The following DOT1L variants were observed in gnomAD, a reference collection of about 807,000 sequenced individuals.
DOT1L encodes histone-lysine N-methyltransferase, H3 lysine-79 specific.
A neutral mutation model predicts 153.3 loss-of-function variants in DOT1L; 33 were observed. The observed-to-expected ratio is 0.22, with a 90% CI of 0.16 to 0.29. The LOEUF is 0.29. DOT1L is among the 10% of genes least tolerant of loss of function. DOT1L has a pLI of 1.00. For missense variants in DOT1L, 1,847 were observed against 2,119.9 expected (o/e 0.87, Z 2.53); for synonymous variants, 1,135 against 965.1 (o/e 1.18, Z -3.26).
chr19:2,216,071 A>C (rs553767063), intron 19 of DOT1L: 2 of 583,856 alleles, frequency 3.4e-6, no homozygotes, highest in Non-Finnish European at 5.8e-6. Flanking sequence ...CTTCCATGTC[A>C]GCAAAAACCA....
intron 9 of DOT1L, 63 bp from the exon 10 acceptor site, chr19:2,206,666 G>C: frequency 6.5e-7 from 1 of 1,529,572 alleles, no homozygotes; most frequent in Non-Finnish European, 9.1e-7. Context: ...CTGTCACCTT[G>C]AGTGGTGTCT....
rs911883465 is a variant in DOT1L, at chr19:2,230,280, C to T, written c.*488C>T. The T allele has an allele frequency of 2.1e-5, 9 of 422,810 alleles. No individual in the cohort carries two copies. Among genetic ancestry groups the T allele is most frequent in the South Asian group, 8.2e-5 (1 of 12,128 alleles). 26.2% of individuals were successfully genotyped at this position (422,810 alleles called of 1,614,324 possible). ...GCCGGCTCCCCCGACGCGCTGCTCC[C>T]GTACCAAAGGCAGGCCCGTCGCCAC... is the stretch of plus-strand genomic sequence containing the variant. On this transcript the variant is annotated 3_prime_UTR_variant, in exon 28 of 28. Transcript: ENST00000398665.
chr19:2,177,717 T>A (rs949843893), intron 1 of DOT1L, among the ~76,000 whole-genome samples: 7 of 152,026 alleles, frequency 4.6e-5, no homozygotes, highest in African/African-American at 1.7e-4. Flanking sequence ...TCGCCAGCCC[T>A]GCTCTCCGCT....
chr19:2,185,998 G>T (rs759700278), intron 3 of DOT1L, 69 bp downstream of exon 3: 4 of 1,453,056 alleles, frequency 2.8e-6, no homozygotes, highest in East Asian at 2.3e-5. Flanking sequence ...ACAGGAGGAC[G>T]CATCCTATAA....
rs2144937239 is a variant in DOT1L, at chr19:2,226,893, G to A, written c.4372G>A (p.Ala1458Thr). Residue 1458 changes from alanine (A) to threonine (T), a missense_variant, in exon 27 of 28, where the codon GCC becomes ACC. Ala to Thr is a moderately conservative substitution (Grantham distance 58). Transcript: ENST00000398665. ...ASSAGGAASSAQTHRSFLGPF... is the reference protein window; with the variant it reads ...ASSAGGAASSTQTHRSFLGPF... ...CTCCGCAGGCGGCGCGGCGTCCTCC[G>A]CCCAGACGCACCGGTCCTTCCTGGG... The A allele has an allele frequency of 1.9e-6, 3 of 1,577,436 alleles. No individual in the cohort carries two copies. Among genetic ancestry groups the A allele is most frequent in the South Asian group, 1.1e-5 (1 of 88,496 alleles).
Position 2,223,418 on chromosome 19 carries a change from T to C in DOT1L, c.3528T>C (p.Asn1176=). 6.2e-7 allele frequency: 1 copy of C among 1,613,344 alleles called. No individual in the cohort carries two copies. Residue 1176 remains asparagine (N), a synonymous_variant, in exon 25 of 28, where the codon AAT becomes AAC. Transcript: ENST00000398665. ...AGGAGCGGCCTCTGAGCCAGACCAATGGGGCACACTACTCCCCACTCACCT... is the reference window on the plus strand; with the variant it reads ...AGGAGCGGCCTCTGAGCCAGACCAACGGGGCACACTACTCCCCACTCACCT... ...LKKERPLSQT[N]GAHYSPLTSD...
intron 9 of DOT1L, among the ~76,000 whole-genome samples, chr19:2,203,953 C>T (rs2023392935): frequency 6.6e-6 from 1 of 152,260 alleles, no homozygotes; most frequent in Non-Finnish European, 1.5e-5. Context: ...TGCTCCCCAC[C>T]TGTCCTCTCT....
chr19:2,170,820 C>T (rs1258506335), intron 1 of DOT1L, among the ~76,000 whole-genome samples: 1 of 152,018 alleles, frequency 6.6e-6, no homozygotes, highest in Non-Finnish European at 1.5e-5. Context: ...AGAAATGGAT[C>T]CTCAGGGCAA....
chr19:2,232,340 C>G lies in DOT1L; in HGVS notation c.*2548C>G, dbSNP rs1442232962. The G allele has an allele frequency of 5.1e-6, 1 of 196,146 alleles. No homozygotes were observed. The highest frequency in any genetic ancestry group is 6.1e-5 in the Admixed American group (1 of 16,296). The allele number at this position is 196,146 out of a possible 1,614,324, so 12.2% of individuals were successfully genotyped here. A position where few individuals can be genotyped will look rare whatever the true frequency, so the allele number is the denominator to read the frequency against. ...TGTTCAGTGGTCAGCAGGCCCCCCA[C>G]CCCCCGCCGACTGCCCTCGCCATCG... On this transcript the variant is annotated 3_prime_UTR_variant, in exon 28 of 28. Coordinates refer to ENST00000398665, the MANE Select transcript of DOT1L (RefSeq NM_032482.3).
intron 1 of DOT1L, among the ~76,000 whole-genome samples, chr19:2,166,332 G>A (rs1045328619): frequency 6.6e-6 from 1 of 151,806 alleles, no homozygotes; most frequent in African/African-American, 2.4e-5. Flanking sequence ...CTGACCTCTG[G>A]TGATCCGCCT....
Position 2,225,404 on chromosome 19 carries a change from G to C in DOT1L, c.3613G>C (p.Ala1205Pro). The C allele has an allele frequency of 1.2e-6, 2 of 1,614,088 alleles. No homozygotes were observed. Among genetic ancestry groups the C allele is most frequent in the East Asian group, 2.2e-5 (1 of 44,886 alleles). Reference protein sequence around the residue: ...PSSARIERKIATISLESKSPP... With the variant: ...PSSARIERKIPTISLESKSPP... ...TCTTAACAGAATTGAGAGAAAAATT[G>C]CAACAATCTCCTTAGAAAGCAAATC... Residue 1205 changes from alanine to proline, a missense_variant, in exon 26 of 28, where the codon GCA becomes CCA. Physicochemically the swap from Ala to Pro is conservative, Grantham distance 27. Coordinates refer to ENST00000398665, the MANE Select transcript of DOT1L (RefSeq NM_032482.3).
At chr19:2,200,058 G>A (rs2023185621) in intron 8 of DOT1L, 119 bp downstream of exon 8, 8 of 1,325,324 alleles carry the variant, frequency 6.0e-6, no homozygotes, top group Non-Finnish European at 8.3e-6. Flanking sequence ...GCAGGAAAGA[G>A]GCCGGTGGGG....
At position 2,210,842 on chromosome 19, in the gene DOT1L, C is replaced by A. The variant is rs1432083094; in HGVS notation, c.1338C>A (p.Ala446=). The A allele has an allele frequency of 6.2e-7, 1 of 1,612,410 alleles. No individual in the cohort carries two copies. Among genetic ancestry groups the A allele is most frequent in the East Asian group, 2.2e-5 (1 of 44,814 alleles). The change falls in exon 14 of 28, where the codon GCC becomes GCA. Residue 446 remains alanine, a synonymous_variant. Transcript: ENST00000398665. ...LHAQTVSQTA[A]SSPQDAYRSP... is the part of the protein sequence containing the mutation. ...CTCAGACCGTGTCTCAGACGGCGGC[C>A]TCCTCACCCCAGGGTGAGCCGCCCC...
At chr19:2,166,995 G>A (rs12611107) in intron 1 of DOT1L, among the ~76,000 whole-genome samples, 2 of 152,064 alleles carry the variant, frequency 1.3e-5, no homozygotes, top group African/African-American at 2.4e-5. Flanking sequence ...GCTTTCAGGC[G>A]GCCAAATCCG....
rs1407182421 is a variant in DOT1L, at chr19:2,220,146, C to G, written c.2730C>G (p.Pro910=). The part of the protein sequence containing the change: ...TPSPVLQPRD[P]SSTLEKQIGA... The stretch of plus-strand genomic sequence containing the variant: ...GTCCCGTGCTGCAGCCCCGTGACCC[C>G]TCGTCCACACTTGAAAAGCAGATTG... Residue 910 remains proline (P), a synonymous_variant, in exon 23 of 28, where the codon CCC becomes CCG. Transcript: ENST00000398665. The surrounding 1 kb of genome is among the most constrained non-coding windows in gnomAD (Gnocchi z 4.5). 2 of 1,613,438 alleles carry G rather than the reference C, an allele frequency of 1.2e-6. No homozygotes were observed. The highest frequency in any genetic ancestry group is 1.1e-5 in the South Asian group (1 of 91,086).
At position 2,230,573 on chromosome 19, in the gene DOT1L, T is replaced by G. The variant is rs1308990482; in HGVS notation, c.*781T>G. 1 of 398,710 alleles carries G rather than the reference T, an allele frequency of 2.5e-6. No individual in the cohort carries two copies. The highest frequency in any genetic ancestry group is 4.4e-6 in the Non-Finnish European group (1 of 226,092). 24.7% of individuals were successfully genotyped at this position (398,710 alleles called of 1,614,324 possible). A position where few individuals can be genotyped will look rare whatever the true frequency, so the allele number is the denominator to read the frequency against. The stretch of plus-strand genomic sequence containing the variant: ...GCTGTCCATGGCTCGCAGCATGCCC[T>G]GCGATGCGGGGCAGGCCTGTCGTGG... On this transcript the variant is annotated 3_prime_UTR_variant, in exon 28 of 28. Transcript: ENST00000398665.
At chr19:2,195,331 A>C (rs1568344096) in intron 7 of DOT1L, among the ~76,000 whole-genome samples, 1 of 152,106 alleles carries the variant, frequency 6.6e-6, no homozygotes, top group African/African-American at 2.4e-5. Context: ...AGAGGCCTGC[A>C]GAGCTGGGTC....
At position 2,200,080 on chromosome 19, in the gene DOT1L, G is replaced by A. The variant is rs1460107928; in HGVS notation, c.707+141G>A. On this transcript the variant is annotated intron_variant, in intron 8 of 27. Coordinates refer to ENST00000398665, the MANE Select transcript of DOT1L (RefSeq NM_032482.3). ...AGAGGCCGGTGGGGACAGGAAGGGC[G>A]CCTTTCCCTCACGCTGGGTCTCCCT... The A allele has an allele frequency of 1.2e-5, 13 of 1,125,064 alleles. 1 individual carries two copies. Among genetic ancestry groups the A allele is most frequent in the South Asian group, 6.3e-5 (4 of 63,978 alleles). 69.7% of individuals were successfully genotyped at this position (1,125,064 alleles called of 1,614,324 possible). A position where few individuals can be genotyped will look rare whatever the true frequency, so the allele number is the denominator to read the frequency against.
In DOT1L at chr19:2,191,272, G is replaced by A. The variant is rs1440473383; in HGVS notation, c.493+32G>A. 4 of 1,603,376 alleles carry A rather than the reference G, an allele frequency of 2.5e-6. No homozygotes were observed. The highest frequency in any genetic ancestry group is 3.4e-6 in the Non-Finnish European group (4 of 1,171,626). On this transcript the variant is annotated intron_variant, in intron 5 of 27. Coordinates refer to ENST00000398665, the MANE Select transcript of DOT1L (RefSeq NM_032482.3). This position sits in a 1 kb window ranked among gnomAD's most constrained non-coding sequence, Gnocchi z 6.8. ...GTCGCCCGCCATGCCCGGCTCCTGT[G>A]CACTTCCAGGCCACACGCTCTGTGC... is the stretch of plus-strand genomic sequence containing the variant.
Sources: gnomAD v4.1 joint callset for allele counts (sites outside exome capture counted in the v4.1 genomes callset) on GRCh38, gnomAD v4.1.1 for gene constraint, Gnocchi (gnomAD v3.1) non-coding constraint, MANE v1.5 for transcripts, NCBI Gene and HGNC (gene_info 2026-07-23, HGNC 2026-07-21) for gene names.